NRCAM: variants seen among roughly 807,000 people sequenced by gnomAD.
NRCAM encodes the protein neuronal cell adhesion molecule.
Under a neutral mutation model 156.5 loss-of-function variants are expected in NRCAM, and 83 were observed. The ratio of observed to expected loss-of-function variants is 0.53; its 90% confidence interval spans 0.44 to 0.64. The LOEUF is 0.64. NRCAM is among the 30% of genes least tolerant of loss of function. The pLI is 0.00. For missense variants in NRCAM, 1,417 were observed against 1,597.3 expected, an observed-to-expected ratio of 0.89 and a Z score of 1.92; for synonymous variants, 538 against 563.9, an observed-to-expected ratio of 0.95 and a Z score of 0.65.
chr7:108,250,597 C>T (rs555968152), intron 3 of NRCAM, among the ~76,000 whole-genome samples: 3 of 150,222 alleles, frequency 2.0e-5, no homozygotes, highest in South Asian at 2.1e-4. Context: ...ACCCGAGACT[C>T]GGAATGGTAG....
At chr7:108,444,370 T>TC (rs1842152462) in intron 1 of NRCAM, among the ~76,000 whole-genome samples, 1 of 140,844 alleles carries the variant, frequency 7.1e-6, no homozygotes, top group African/African-American at 2.6e-5. Context: ...AGCTGTATTC[T>TC]CTTTTTTTTT....
At chr7:108,321,000 A>G (rs2098994726) in intron 2 of NRCAM, among the ~76,000 whole-genome samples, 1 of 152,260 alleles carries the variant, frequency 6.6e-6, no homozygotes, top group South Asian at 2.1e-4. Context: ...CAAACTTTTA[A>G]TTGCATAGTG....
intron 2 of NRCAM, among the ~76,000 whole-genome samples, chr7:108,398,742 A>T (rs1308879499): frequency 1.3e-5 from 2 of 152,116 alleles, no homozygotes; most frequent in Non-Finnish European, 2.9e-5. Flanking sequence ...TGCCTTTTCC[A>T]TTCCTTAATG....
intron 24 of NRCAM, 58 bp downstream of exon 24, chr7:108,181,764 A>T: frequency 8.7e-7 from 1 of 1,147,612 alleles, no homozygotes; most frequent in Non-Finnish European, 1.3e-6. Flanking sequence ...ATGCATGACA[A>T]GTGGCATTCG....
At chr7:108,426,384 A>G (rs1197055218) in intron 1 of NRCAM, among the ~76,000 whole-genome samples, 1 of 152,216 alleles carries the variant, frequency 6.6e-6, no homozygotes, top group East Asian at 1.9e-4. Flanking sequence ...CTTTATTTTA[A>G]TTGTCCAAAA....
chr7:108,189,520 T>C, intron 20 of NRCAM, 125 bp downstream of exon 20: 1 of 623,306 alleles, frequency 1.6e-6, no homozygotes, highest in Non-Finnish European at 2.8e-6. Context: ...AATATTTTTA[T>C]TCTATCAGTA....
intron 2 of NRCAM, among the ~76,000 whole-genome samples, chr7:108,345,189 C>T (rs757072439): frequency 3.9e-5 from 6 of 152,152 alleles, no homozygotes; most frequent in Non-Finnish European, 7.4e-5. Flanking sequence ...GGAATGAGAA[C>T]AGAAAGTCTG....
chr7:108,341,155 A>G (rs1339481681), intron 2 of NRCAM, among the ~76,000 whole-genome samples: 3 of 152,198 alleles, frequency 2.0e-5, no homozygotes, highest in South Asian at 4.1e-4. Context: ...CAAAGGAATC[A>G]ATGGAAGGCC....
chr7:108,320,605 T>C (rs2098990087), intron 2 of NRCAM, among the ~76,000 whole-genome samples: 1 of 152,198 alleles, frequency 6.6e-6, no homozygotes, highest in African/African-American at 2.4e-5. Flanking sequence ...AACTATTTGA[T>C]TAAATAAATT....
chr7:108,254,628 A>G (rs2096541922), intron 3 of NRCAM, among the ~76,000 whole-genome samples: 1 of 148,710 alleles, frequency 6.7e-6, no homozygotes, highest in Non-Finnish European at 1.5e-5. Flanking sequence ...GCTAAGGGCA[A>G]CCTCTGTCTC....
intron 30 of NRCAM, among the ~76,000 whole-genome samples, chr7:108,164,600 T>A (rs1032753414): frequency 2.7e-5 from 4 of 147,676 alleles, no homozygotes; most frequent in African/African-American, 7.4e-5. Context: ...GCAGGGGCAG[T>A]GGAAGACGGT....
intron 12 of NRCAM, 133 bp downstream of exon 12, chr7:108,209,288 A>T (rs1395806588): frequency 8.2e-6 from 5 of 612,822 alleles, no homozygotes; most frequent in Non-Finnish European, 1.1e-5. Context: ...TAGCAATGAG[A>T]AGAGAGTCAA....
At chr7:108,454,114 T>C (rs1348192859) in intron 1 of NRCAM, among the ~76,000 whole-genome samples, 3 of 152,212 alleles carry the variant, frequency 2.0e-5, no homozygotes, top group African/African-American at 4.8e-5. Flanking sequence ...GGTTGGATTG[T>C]GGGTTAACAG....
intron 11 of NRCAM, among the ~76,000 whole-genome samples, chr7:108,216,819 T>C (rs888353415): frequency 7.3e-5 from 11 of 150,748 alleles, no homozygotes; most frequent in African/African-American, 2.7e-4. Context: ...TCCTCTAACC[T>C]TTTTTCAAGG....
intron 1 of NRCAM, among the ~76,000 whole-genome samples, chr7:108,451,377 A>C (rs570039197): frequency 6.6e-6 from 1 of 152,200 alleles, no homozygotes; most frequent in East Asian, 1.9e-4. Context: ...GTAAAATGGT[A>C]CAGCTACTAT....
intron 1 of NRCAM, among the ~76,000 whole-genome samples, chr7:108,430,704 G>A (rs974833331): frequency 1.2e-4 from 19 of 152,124 alleles, no homozygotes; most frequent in African/African-American, 4.6e-4. Flanking sequence ...CTTTGCCTGT[G>A]AATATTCTCA....
chr7:108,389,298 G>A (rs1426840050), intron 2 of NRCAM, among the ~76,000 whole-genome samples: 1 of 152,082 alleles, frequency 6.6e-6, no homozygotes, highest in Non-Finnish European at 1.5e-5. Flanking sequence ...TGGATTCCTA[G>A]GTATTTTACT....
chr7:108,363,543 C>T (rs1296059618), intron 2 of NRCAM, among the ~76,000 whole-genome samples: 1 of 152,164 alleles, frequency 6.6e-6, no homozygotes, highest in Non-Finnish European at 1.5e-5. Flanking sequence ...CCACTGCATC[C>T]AGCCCAACCC....
chr7:108,187,419 C>T (rs778996024), intron 20 of NRCAM, among the ~76,000 whole-genome samples: 1 of 152,196 alleles, frequency 6.6e-6, no homozygotes, highest in Admixed American at 6.5e-5. Flanking sequence ...AGTTCTTCCC[C>T]TAGACAACTG....
Sources: gnomAD v4.1 joint callset for allele counts (sites outside exome capture counted in the v4.1 genomes callset) on GRCh38, gnomAD v4.1.1 for gene constraint, MANE v1.5 for transcripts, NCBI Gene and HGNC (gene_info 2026-07-23, HGNC 2026-07-21) for gene names.